PCDHGB3: variants seen among roughly 807,000 people sequenced by gnomAD.
The protein encoded by PCDHGB3 is protocadherin gamma-B3.
Under a neutral mutation model 59.2 loss-of-function variants are expected in PCDHGB3, and 40 were observed. The ratio of observed to expected loss-of-function variants is 0.68; its 90% CI spans 0.52 to 0.88. The LOEUF (loss-of-function observed/expected upper bound fraction) is 0.88. PCDHGB3 is among the 40% of genes least tolerant of loss of function. The pLI is 0.00. For synonymous variants in PCDHGB3, 581 were observed against 503.6 expected, an observed-to-expected ratio of 1.15 and a Z score of -2.06; for missense variants, 1,309 against 1,187.9, an observed-to-expected ratio of 1.10 and a Z score of -1.50.
chr5:141,372,977 T>C (rs1769216145), intron 1 of PCDHGB3, 168 bp downstream of exon 1: 2 of 661,598 alleles, frequency 3.0e-6, no homozygotes, highest in Admixed American at 3.3e-5. Context: ...CTGTAGAATA[T>C]CTGTGTTGCA....
intron 1 of PCDHGB3, chr5:141,426,875 C>T (rs1005769074): frequency 8.8e-6 from 4 of 456,566 alleles, no homozygotes; most frequent in African/African-American, 4.0e-5. Context: ...TGGAGAAGCC[C>T]CTGGGCCAGG....
At chr5:141,389,862 C>T (rs2091950734) in intron 1 of PCDHGB3, 1 of 1,613,964 alleles carries the variant, frequency 6.2e-7, no homozygotes, top group African/African-American at 1.3e-5. Flanking sequence ...CACGTTGCAC[C>T]TGGTCTTCGC....
At position 141,489,749 on chromosome 5, in the gene PCDHGB3, AC is replaced by A; in HGVS notation, c.2416-5057del. ...GTGGGCACCAATACTGTGAGCTTTT[AC>A]ACTCTAAGCCCCAACAGCCACTTCT... is the stretch of plus-strand genomic sequence containing the variant. On this transcript the variant is annotated intron_variant, in intron 1 of 3. Transcript: ENST00000576222. The surrounding 1 kb of genome is among the most constrained non-coding windows in gnomAD (Gnocchi z 4.5). 6.2e-7 allele frequency: 1 copy of A among 1,614,126 alleles called. No individual in the cohort carries two copies. Among genetic ancestry groups the A allele is most frequent in the Non-Finnish European group, 8.5e-7 (1 of 1,180,002 alleles).
chr5:141,505,405 C>T lies in PCDHGB3; in HGVS notation c.2487C>T (p.Gly829=), dbSNP rs745516568. 2.5e-6 allele frequency: 4 copies of T among 1,614,130 alleles called. No individual in the cohort carries two copies. The highest frequency in any genetic ancestry group is 3.3e-4 in the Middle Eastern group (2 of 6,062). ...QRPGTSGSQN[G]DDTGTWPNNQ... ...ACTCTCTCCCCAGCTCCCAAAATGG[C>T]GATGACACCGGCACCTGGCCCAACA... Residue 829 remains glycine (G), a synonymous_variant, in exon 3 of 4, where the codon GGC becomes GGT. Transcript: ENST00000576222.
At chr5:141,492,505 C>A (rs1009723421) in intron 1 of PCDHGB3, among the ~76,000 whole-genome samples, 1 of 152,212 alleles carries the variant, frequency 6.6e-6, no homozygotes, top group Admixed American at 6.5e-5. Context: ...GACTCCGGAG[C>A]CTCCTCTCAC....
At chr5:141,375,812 C>T (rs1162133634) in intron 1 of PCDHGB3, 1 of 1,614,208 alleles carries the variant, frequency 6.2e-7, no homozygotes, top group Non-Finnish European at 8.5e-7. Context: ...TGGCGTGGAG[C>T]TGGCGCCCCG....
In PCDHGB3 at chr5:141,443,822, A is replaced by G. The variant is rs183934410; in HGVS notation, c.2416-50985A>G. ...GAAACAGTTACCTTTGGAAAACATAATTAGGTAAAATGGGTAATATGGAAA... is the reference window on the plus strand; with the variant it reads ...GAAACAGTTACCTTTGGAAAACATAGTTAGGTAAAATGGGTAATATGGAAA... On this transcript the variant is annotated intron_variant, in intron 1 of 3. Coordinates refer to ENST00000576222, the MANE Select transcript of PCDHGB3 (RefSeq NM_018924.5). Among the ~76,000 whole-genome samples, 330 of 152,316 alleles carry G rather than the reference A, an allele frequency of 2.2e-3. 2 individuals carry two copies. Among genetic ancestry groups the G allele is most frequent in the Non-Finnish European group, 4.1e-3 (279 of 68,018 alleles).
At chr5:141,389,254 T>C (rs1589085552) in intron 1 of PCDHGB3, 1 of 1,614,012 alleles carries the variant, frequency 6.2e-7, no homozygotes. Flanking sequence ...TCCTATATAG[T>C]CCACGTGGCC....
chr5:141,476,049 C>T lies in PCDHGB3; in HGVS notation c.2416-18758C>T. 2.0e-6 allele frequency: 3 copies of T among 1,501,848 alleles called. No homozygotes were observed. The South Asian group carries it at 4.0e-5, about 20-fold the overall frequency. 93.0% of individuals were successfully genotyped at this position (1,501,848 alleles called of 1,614,324 possible). ...CGCCCAGCGCCCAAGCGCTAACCCG[C>T]TGAAAGTTTCTCAGCGAAATCTCAG... On this transcript the variant is annotated intron_variant, in intron 1 of 3. Coordinates refer to ENST00000576222, the MANE Select transcript of PCDHGB3 (RefSeq NM_018924.5). This position sits in a 1 kb window ranked among gnomAD's most constrained non-coding sequence, Gnocchi z 7.6.
chr5:141,376,222 G>T (rs1485996653), intron 1 of PCDHGB3: 2 of 1,614,068 alleles, frequency 1.2e-6, no homozygotes, highest in East Asian at 2.2e-5. Flanking sequence ...TGCTGCTGGC[G>T]CTCAGACTGC....
chr5:141,409,522 G>A (rs371017853), intron 1 of PCDHGB3: 30 of 1,613,874 alleles, frequency 1.9e-5, no homozygotes, highest in Non-Finnish European at 2.3e-5. Flanking sequence ...GCATCACCTT[G>A]TATGTCGCTG....
rs763582836 is a variant in PCDHGB3 at position 141,404,442 on chromosome 5, A to G, written c.2415+31633A>G. Reference sequence around the variant, plus strand: ...TACTCCTTGGCAGAGGATACCATCCAAGGGTCTCCTCTCTCCACCTATGTC... The same window carrying G: ...TACTCCTTGGCAGAGGATACCATCCGAGGGTCTCCTCTCTCCACCTATGTC... On this transcript the variant is annotated intron_variant, in intron 1 of 3. Transcript: ENST00000576222. 21 of 1,610,906 alleles carry G rather than the reference A, an allele frequency of 1.3e-5. No homozygotes were observed. In the Admixed American group the frequency reaches 3.5e-4, roughly 27 times the overall value.
intron 1 of PCDHGB3, chr5:141,478,111 A>G (rs2099430294): frequency 1.2e-6 from 2 of 1,613,982 alleles, no homozygotes; most frequent in Admixed American, 1.7e-5. Context: ...TCACTGTGTC[A>G]GTAACCGAGG....
At chr5:141,392,751 A>T in intron 1 of PCDHGB3, 1 of 1,453,336 alleles carries the variant, frequency 6.9e-7, no homozygotes, top group South Asian at 1.5e-5. Flanking sequence ...CTGCGGCAAG[A>T]AACTAAATAA....
chr5:141,483,445 C>T (rs1332037230), intron 1 of PCDHGB3, among the ~76,000 whole-genome samples: 1 of 152,106 alleles, frequency 6.6e-6, no homozygotes, highest in Admixed American at 6.5e-5. Context: ...ACAATAAAAT[C>T]ATCAGGACTT....
In PCDHGB3 at chr5:141,477,005, T is replaced by C; in HGVS notation, c.2416-17802T>C. The C allele has an allele frequency of 1.2e-6, 2 of 1,614,240 alleles. No individual in the cohort carries two copies. Among genetic ancestry groups the C allele is most frequent in the Non-Finnish European group, 1.7e-6 (2 of 1,180,040 alleles). Reference sequence around the variant, plus strand: ...CGCCGGCGTGCGGCAACTATTCGCCTTAGACCTTGTAACCGGGATGCTGAC... The same window carrying C: ...CGCCGGCGTGCGGCAACTATTCGCCCTAGACCTTGTAACCGGGATGCTGAC... On this transcript the variant is annotated intron_variant, in intron 1 of 3. Transcript: ENST00000576222. The surrounding 1 kb of genome is among the most constrained non-coding windows in gnomAD (Gnocchi z 4.9).
chr5:141,423,775 T>A, intron 1 of PCDHGB3: 1 of 1,209,960 alleles, frequency 8.3e-7, no homozygotes, highest in Non-Finnish European at 1.1e-6. Context: ...GCGGCATATA[T>A]TTAGTTCATA....
intron 1 of PCDHGB3, chr5:141,384,950 C>G: frequency 6.2e-7 from 1 of 1,614,122 alleles, no homozygotes; most frequent in East Asian, 2.2e-5. Flanking sequence ...TCCGACGGTC[C>G]TTACAACTAT....
intron 1 of PCDHGB3, chr5:141,411,444 T>C (rs1589800236): frequency 6.8e-6 from 1 of 147,662 alleles, no homozygotes; most frequent in African/African-American, 2.5e-5. Context: ...ATTAGCAGAG[T>C]GTGGTAGCAT....
Sources: allele counts gnomAD v4.1 joint callset (sites outside exome capture counted in the v4.1 genomes callset), GRCh38; gene constraint gnomAD v4.1.1; non-coding constraint Gnocchi (gnomAD v3.1); transcripts MANE v1.5; gene names NCBI Gene and HGNC (gene_info 2026-07-23, HGNC 2026-07-21).